The following ZNF844 variants were observed in gnomAD, a reference collection of about 807,000 sequenced individuals.
The protein encoded by ZNF844 is zinc finger protein 844.
ZNF844 carries 11 observed loss-of-function variants against 11.4 expected under a neutral mutation model. That is an observed-to-expected ratio of 0.97 (90% CI 0.61 to 1.60). ZNF844 has a LOEUF of 1.60. Among genes scored for constraint, ZNF844 ranks in the 40% most tolerant of loss-of-function variants. The pLI is 0.00. For synonymous variants in ZNF844, 248 were observed against 260.3 expected, an observed-to-expected ratio of 0.95 and a Z score of 0.46; for missense variants, 790 against 796.8, an observed-to-expected ratio of 0.99 and a Z score of 0.10.
intron 1 of ZNF844, among the ~76,000 whole-genome samples, chr19:12,071,433 AAAG>A (rs1568358761): frequency 6.6e-6 from 1 of 152,350 alleles, no homozygotes; most frequent in East Asian, 1.9e-4. Flanking sequence ...CTTCAGCTTT[AAAG>A]AGTATGCTTG....
In ZNF844 at chr19:12,072,258, G is replaced by GT. The variant is rs1313524035; in HGVS notation, c.4-1772dup. 1.1e-4 allele frequency among the ~76,000 whole-genome samples: 16 copies of GT among 152,286 alleles called. 1 individual carries two copies. In the East Asian group the frequency reaches 2.9e-3, roughly 28 times the overall value. ...TTGTAAGACTAAATACTATCCCATT[G>GT]TAAGTACATGCATACCACGTTTTCT... On this transcript the variant is annotated intron_variant, in intron 1 of 3. Transcript: ENST00000439326.
At chr19:12,070,811 A>AATGC (rs1409741161) in intron 1 of ZNF844, among the ~76,000 whole-genome samples, 2 of 152,176 alleles carry the variant, frequency 1.3e-5, no homozygotes, top group Non-Finnish European at 2.9e-5. Context: ...ACTCAACCTG[A>AATGC]ATGCATCAAC....
chr19:12,065,171 T>C (rs757312703), intron 1 of ZNF844, among the ~76,000 whole-genome samples: 3 of 151,724 alleles, frequency 2.0e-5, no homozygotes, highest in Admixed American at 6.6e-5. Context: ...CCTCTCCATA[T>C]TGTGCGGGGC....
chr19:12,078,817 T>C lies in ZNF844; in HGVS notation c.*1696T>C, dbSNP rs45624834. The C allele has an allele frequency of 0.12, 18,477 of 152,272 alleles. 1,613 individuals are homozygous for C. The highest frequency in any genetic ancestry group is 0.25 in the African/African-American group (10,400 of 41,454). 9.4% of individuals were successfully genotyped at this position (152,272 alleles called of 1,614,324 possible). ...GATCTGAGTGGCATTGAAACCCACA[T>C]GGTATTGCACATGACAGATAGGCCT... On this transcript the variant is annotated 3_prime_UTR_variant, in exon 4 of 4. Transcript: ENST00000439326.
chr19:12,069,308 G>A (rs140000174), intron 1 of ZNF844, among the ~76,000 whole-genome samples: 1 of 148,480 alleles, frequency 6.7e-6, no homozygotes, highest in African/African-American at 2.5e-5. Context: ...TCAGCCTCCT[G>A]AGTAGCTGGG....
chr19:12,074,277 C>T, intron 2 of ZNF844, 84 bp from the exon 3 acceptor site: 1 of 1,518,926 alleles, frequency 6.6e-7, no homozygotes, highest in East Asian at 2.3e-5. Flanking sequence ...AGGTATGGCT[C>T]TAATGTCCCG....
chr19:12,076,207 C>T lies in ZNF844; in HGVS notation c.1087C>T (p.Pro363Ser), dbSNP rs1264237498. ...RHMKMHTRMR[P>S]YKCKTVEKPL... ...CATGAAAATGCACACTAGAATGAGA[C>T]CTTATAAATGTAAGACTGTGGAAAA... Residue 363 changes from proline to serine, a missense_variant, in exon 4 of 4, where the codon CCT becomes TCT. Physicochemically the swap from Pro to Ser is moderately conservative, Grantham distance 74. This residue lies in a region of ZNF844 where 657 missense variants were observed against 636.2 expected (regional missense o/e 1.03). Coordinates refer to ENST00000439326, the MANE Select transcript of ZNF844 (RefSeq NM_001136501.3). The T allele has an allele frequency of 1.3e-6, 2 of 1,594,990 alleles. No homozygotes were observed. Among genetic ancestry groups the T allele is most frequent in the African/African-American group, 2.7e-5 (2 of 74,132 alleles).
Position 12,076,776 on chromosome 19 carries a change from A to T in ZNF844, c.1656A>T (p.Arg552Ser). ...CAGAAACCTTCAAATTCATGAAAAG[A>T]CACACCCTGGAGAGAAACCCTATAA... is the stretch of plus-strand genomic sequence containing the variant. ...DLSETFKFMK[R>S]HTLERNPIRN... is the part of the protein sequence containing the mutation. Residue 552 changes from arginine to serine, a missense_variant, in exon 4 of 4, where the codon AGA becomes AGT. Transcript: ENST00000439326. 1 of 1,582,840 alleles carries T rather than the reference A, an allele frequency of 6.3e-7. No individual in the cohort carries two copies. Among genetic ancestry groups the T allele is most frequent in the Non-Finnish European group, 8.6e-7 (1 of 1,163,606 alleles).
In ZNF844 at chr19:12,077,598, A is replaced by T; in HGVS notation, c.*477A>T. The T allele has an allele frequency of 1.8e-6, 1 of 564,778 alleles. No homozygotes were observed. The highest frequency in any genetic ancestry group is 1.4e-5 in the South Asian group (1 of 71,808). 35.0% of individuals were successfully genotyped at this position (564,778 alleles called of 1,614,324 possible). Reference sequence around the variant, plus strand: ...CTTCAGATCTGCCACTCAACTTCAGATGCATAGAAAGATTCACACTGGCGA... The same window carrying T: ...CTTCAGATCTGCCACTCAACTTCAGTTGCATAGAAAGATTCACACTGGCGA... On this transcript the variant is annotated 3_prime_UTR_variant, in exon 4 of 4. Transcript: ENST00000439326.
rs781610976 is a variant in ZNF844, at chr19:12,077,157, ACTT to A, written c.*42_*44del. On this transcript the variant is annotated 3_prime_UTR_variant, in exon 4 of 4. Transcript: ENST00000439326. ...ATGCAAGGAATGTGGCAAAGCCTTC[ACTT>A]CTTCTGGTTCCTTTCAGTGTCATAA... 69 of 1,603,490 alleles carry A rather than the reference ACTT, an allele frequency of 4.3e-5. No homozygotes were observed. The highest frequency in any genetic ancestry group is 3.8e-4 in the South Asian group (34 of 89,784).
At position 12,069,654 on chromosome 19, in the gene ZNF844, G is replaced by A. The variant is rs983686144; in HGVS notation, c.4-4377G>A. On this transcript the variant is annotated intron_variant, in intron 1 of 3. Coordinates refer to ENST00000439326, the MANE Select transcript of ZNF844 (RefSeq NM_001136501.3). ...GGGAGGTCAGGATACAATTTCATTCGTTAATAATTTGTATTTTAGGCCAGG... is the reference window on the plus strand; with the variant it reads ...GGGAGGTCAGGATACAATTTCATTCATTAATAATTTGTATTTTAGGCCAGG... Among the ~76,000 whole-genome samples, 17 of 150,360 alleles carry A rather than the reference G, an allele frequency of 1.1e-4. No individual in the cohort carries two copies. The East Asian group carries it at 1.2e-3, about 10-fold the overall frequency.
intron 1 of ZNF844, 145 bp downstream of exon 1, chr19:12,065,021 T>C: frequency 1.1e-6 from 1 of 876,362 alleles, no homozygotes; most frequent in Non-Finnish European, 1.6e-6. Flanking sequence ...CTGGCGCAGC[T>C]CGGCCTTCGG....
In ZNF844 at chr19:12,075,322, GGA is replaced by G; in HGVS notation, c.210_211del (p.Arg70SerfsTer2). 1.4e-6 allele frequency: 2 copies of G among 1,445,322 alleles called. No individual in the cohort carries two copies. The highest frequency in any genetic ancestry group is 1.5e-5 in the South Asian group (1 of 65,398). The allele number at this position is 1,445,322 out of a possible 1,614,324, so 89.5% of individuals were successfully genotyped here. A position where few individuals can be genotyped will look rare whatever the true frequency, so the allele number is the denominator to read the frequency against. On this transcript the variant is annotated frameshift_variant, in exon 4 of 4. Transcript: ENST00000439326. LOFTEE classifies it low-confidence loss of function (END_TRUNC). ...NPRNNLRSLL[G>X]ERVDENTEEN... ...TCTCATTTTTCACAGAAGTCTTCTG[GGA>G]GAGAGAGTTGATGAAAATACAGAAG...
intron 1 of ZNF844, among the ~76,000 whole-genome samples, chr19:12,073,660 A>G (rs946487058): frequency 2.0e-5 from 3 of 150,784 alleles, no homozygotes; most frequent in Non-Finnish European, 4.4e-5. Flanking sequence ...TTTCAAGGAT[A>G]TATAGCCTCA....
intron 1 of ZNF844, 127 bp downstream of exon 1, chr19:12,065,003 G>A (rs1387271626): frequency 2.9e-6 from 3 of 1,027,488 alleles, no homozygotes; most frequent in Non-Finnish European, 2.7e-6. Context: ...TCTGGGGCCC[G>A]AGCCCCGCTG....
At position 12,076,382 on chromosome 19, in the gene ZNF844, A is replaced by T. The variant is rs756487276; in HGVS notation, c.1262A>T (p.Asn421Ile). The T allele has an allele frequency of 1.2e-6, 2 of 1,609,030 alleles. No individual in the cohort carries two copies. The highest frequency in any genetic ancestry group is 1.7e-6 in the Non-Finnish European group (2 of 1,176,776). The change falls in exon 4 of 4, where the codon AAT (asparagine) becomes ATT (isoleucine). Residue 421 changes from asparagine to isoleucine, a missense_variant. By Grantham distance (149) the Asn-to-Ile change is moderately radical. Coordinates refer to ENST00000439326, the MANE Select transcript of ZNF844 (RefSeq NM_001136501.3). ...CTCACACTGGAGAGAAACCCTATGA[A>T]TGTAAGCAGTGTAGTAAAGCCTTCA... ...KGLTLERNPMNVSSVVKPSFL... is the reference protein window; with the variant it reads ...KGLTLERNPMIVSSVVKPSFL...
In ZNF844 at chr19:12,076,653, G is replaced by A. The variant is rs781389574; in HGVS notation, c.1533G>A (p.Lys511=). ...CTATGAGTGTAAGCAATGTGGGAAA[G>A]CCTTCACATCTGCCTCACACCTTCA... ...RNPMSVSNVG[K]PSHLPHTFKC... is the part of the protein sequence containing the mutation. The change falls in exon 4 of 4, where the codon AAG becomes AAA. Residue 511 remains lysine (K), a synonymous_variant. Coordinates refer to ENST00000439326, the MANE Select transcript of ZNF844 (RefSeq NM_001136501.3). 6.2e-7 allele frequency: 1 copy of A among 1,614,080 alleles called. No homozygotes were observed. Among genetic ancestry groups the A allele is most frequent in the Admixed American group, 1.7e-5 (1 of 60,008 alleles).
chr19:12,077,028 A>C lies in ZNF844; in HGVS notation c.1908A>C (p.Thr636=), dbSNP rs1390739287. 3 of 1,596,698 alleles carry C rather than the reference A, an allele frequency of 1.9e-6. No homozygotes were observed. The highest frequency in any genetic ancestry group is 2.6e-6 in the Non-Finnish European group (3 of 1,170,892). ...TTTGCGTATACACAAAAGGATGCAC[A>C]CTGGAGAGAAACCATATTAATGTAA... ...FLLCVYTKGC[T]LERNHINVRI... is the part of the protein sequence containing the mutation. Residue 636 remains threonine (T), a synonymous_variant, in exon 4 of 4, where the codon ACA becomes ACC. Coordinates refer to ENST00000439326, the MANE Select transcript of ZNF844 (RefSeq NM_001136501.3).
intron 1 of ZNF844, 134 bp downstream of exon 1, chr19:12,065,010 G>C (rs1264579051): frequency 1.1e-6 from 1 of 951,456 alleles, no homozygotes; most frequent in Admixed American, 3.6e-5. Flanking sequence ...CCCGAGCCCC[G>C]CTGGCGCAGC....
Sources: gnomAD v4.1 joint callset for allele counts (sites outside exome capture counted in the v4.1 genomes callset) on GRCh38, gnomAD v4.1.1 for gene constraint, gnomAD v4.1.1 regional missense constraint, MANE v1.5 for transcripts, NCBI Gene and HGNC (gene_info 2026-07-23, HGNC 2026-07-21) for gene names.